Variants in SLC22A3 observed in about 807,000 individuals in gnomAD.
SLC22A3 encodes EMT organic cation transporter 3.
Under a neutral mutation model 59.1 loss-of-function variants are expected in SLC22A3, and 51 were observed. That is an observed-to-expected ratio of 0.86 (90% CI 0.69 to 1.09). SLC22A3 has a LOEUF of 1.09. SLC22A3 is among the 50% of genes least tolerant of loss of function. The pLI is 0.00. For synonymous variants in SLC22A3, 325 were observed against 292.0 expected (o/e 1.11, Z -1.15); for missense variants, 711 against 726.3 (o/e 0.98, Z 0.24).
rs139649032 is a variant in SLC22A3, at chr6:160,397,940, T to C, written c.430-39T>C. The stretch of plus-strand genomic sequence containing the variant: ...GATAAGGTGTTTTGAAGATCTGCAT[T>C]CTGGCATGTCTCCATGTGTGTTTTC... On this transcript the variant is annotated intron_variant, in intron 1 of 10. Transcript: ENST00000275300. 13 of 1,450,502 alleles carry C rather than the reference T, an allele frequency of 9.0e-6. No individual in the cohort carries two copies. The African/African-American group carries it at 1.8e-4, about 20-fold the overall frequency. The allele number at this position is 1,450,502 out of a possible 1,614,324, so 89.9% of individuals were successfully genotyped here.
intron 1 of SLC22A3, among the ~76,000 whole-genome samples, chr6:160,391,658 G>A (rs566141326): frequency 1.8e-4 from 27 of 152,208 alleles, no homozygotes; most frequent in Non-Finnish European, 3.2e-4. Flanking sequence ...TCTTCTTCTC[G>A]TCTTTAGACA....
intron 6 of SLC22A3, 30 bp from the exon 7 acceptor site, chr6:160,436,967 G>T (rs754566520): frequency 1.6e-5 from 26 of 1,613,430 alleles, no homozygotes; most frequent in Non-Finnish European, 2.1e-5. Flanking sequence ...TCTCTTACTT[G>T]TTCTCTGGTG....
In SLC22A3 at chr6:160,374,351, G is replaced by A. The variant is rs112920675; in HGVS notation, c.430-23628G>A. ...GTGGGCTGCACCCACTGTCTAACTA[G>A]TCCCAGTGAGATGAGCTGGTGCCTC... is the stretch of plus-strand genomic sequence containing the variant. On this transcript the variant is annotated intron_variant, in intron 1 of 10. Transcript: ENST00000275300. Among the ~76,000 whole-genome samples, 367 of 152,254 alleles carry A rather than the reference G, an allele frequency of 2.4e-3. 5 individuals carry two copies. The highest frequency in any genetic ancestry group is 0.014 in the Middle Eastern group (4 of 294).
intron 5 of SLC22A3, chr6:160,426,324 T>G (rs1787951058): frequency 5.1e-6 from 5 of 985,370 alleles, no homozygotes; most frequent in Non-Finnish European, 6.0e-6. Context: ...TTGTGGTTCT[T>G]GTGGTTTTGG....
intron 1 of SLC22A3, among the ~76,000 whole-genome samples, chr6:160,366,669 A>C (rs1042534078): frequency 1.3e-5 from 2 of 152,142 alleles, no homozygotes; most frequent in African/African-American, 4.8e-5. Context: ...TGTGCCCCAC[A>C]ATACACATCT....
intron 5 of SLC22A3, among the ~76,000 whole-genome samples, chr6:160,430,082 T>C (rs1193795772): frequency 3.9e-5 from 6 of 152,026 alleles, no homozygotes; most frequent in African/African-American, 7.2e-5. Flanking sequence ...TGCATATATG[T>C]ATATATATAC....
chr6:160,350,778 C>T (rs509707), intron 1 of SLC22A3, among the ~76,000 whole-genome samples: 76,235 of 151,932 alleles, frequency 0.5, 19,443 homozygotes, highest in African/African-American at 0.59. Flanking sequence ...ACTAGCATCC[C>T]GGGGTTACAA....
chr6:160,424,099 G>C (rs903025889), intron 5 of SLC22A3, among the ~76,000 whole-genome samples: 1 of 152,098 alleles, frequency 6.6e-6, no homozygotes, highest in Non-Finnish European at 1.5e-5. Context: ...GGATGTTCTT[G>C]TTAACACATT....
At chr6:160,444,733 C>T (rs1051902988) in intron 9 of SLC22A3, among the ~76,000 whole-genome samples, 1 of 152,226 alleles carries the variant, frequency 6.6e-6, no homozygotes, top group Non-Finnish European at 1.5e-5. Context: ...GTTTCTCTAT[C>T]TCCACTTCCT....
chr6:160,374,868 G>T (rs747644332), intron 1 of SLC22A3, among the ~76,000 whole-genome samples: 6 of 152,224 alleles, frequency 3.9e-5, no homozygotes, highest in Non-Finnish European at 7.3e-5. Flanking sequence ...GTTTTTAAAA[G>T]AAATGAATGT....
chr6:160,417,019 T>C (rs1442270302), intron 5 of SLC22A3, among the ~76,000 whole-genome samples: 1 of 152,212 alleles, frequency 6.6e-6, no homozygotes, highest in Non-Finnish European at 1.5e-5. Context: ...ATATCTGTGA[T>C]AAATTGTATT....
intron 5 of SLC22A3, among the ~76,000 whole-genome samples, chr6:160,412,686 CCT>C (rs1787306065): frequency 1.3e-5 from 2 of 152,094 alleles, no homozygotes; most frequent in South Asian, 4.1e-4. Flanking sequence ...ATAATATACC[CCT>C]GTTTCCCAGC....
At chr6:160,385,569 C>T (rs994320493) in intron 1 of SLC22A3, among the ~76,000 whole-genome samples, 15 of 152,198 alleles carry the variant, frequency 9.9e-5, no homozygotes. Context: ...TCCCTCAACA[C>T]ACACCTGCAC....
chr6:160,446,452 A>C (rs753693870), intron 9 of SLC22A3, among the ~76,000 whole-genome samples: 8 of 152,224 alleles, frequency 5.3e-5, no homozygotes, highest in Non-Finnish European at 8.8e-5. Context: ...GGAAACTTAC[A>C]ATCATGGTGG....
chr6:160,424,555 C>A (rs2114890347), intron 5 of SLC22A3, among the ~76,000 whole-genome samples: 1 of 152,176 alleles, frequency 6.6e-6, no homozygotes, highest in Admixed American at 6.5e-5. Context: ...TTCTAGGATC[C>A]CTTCATTTCT....
chr6:160,364,920 T>C (rs940009807), intron 1 of SLC22A3, among the ~76,000 whole-genome samples: 1 of 152,222 alleles, frequency 6.6e-6, no homozygotes, highest in Admixed American at 6.5e-5. Context: ...TCTGTTAAAG[T>C]GTACACATTA....
intron 1 of SLC22A3, among the ~76,000 whole-genome samples, chr6:160,397,572 A>G: frequency 6.6e-6 from 1 of 151,998 alleles, no homozygotes; most frequent in East Asian, 1.9e-4. Flanking sequence ...CATCTCTACT[A>G]AAAATACAAA....
intron 3 of SLC22A3, 55 bp downstream of exon 3, chr6:160,407,250 C>T (rs970286087): frequency 9.2e-6 from 14 of 1,524,528 alleles, no homozygotes; most frequent in African/African-American, 1.4e-5. Context: ...AGATAGCCAA[C>T]AAATGCTAGT....
intron 1 of SLC22A3, among the ~76,000 whole-genome samples, chr6:160,381,464 T>C (rs955479597): frequency 6.6e-6 from 1 of 152,186 alleles, no homozygotes; most frequent in Non-Finnish European, 1.5e-5. Context: ...AAAGTGTGAG[T>C]TGGACACTGT....
Sources: gnomAD v4.1 joint callset for allele counts (sites outside exome capture counted in the v4.1 genomes callset) on GRCh38, gnomAD v4.1.1 for gene constraint, MANE v1.5 for transcripts, NCBI Gene and HGNC (gene_info 2026-07-23, HGNC 2026-07-21) for gene names.